Variants in DCAF6 observed in about 807,000 individuals in gnomAD.
DCAF6 encodes DDB1- and CUL4-associated factor 6.
Under a neutral mutation model 125.1 loss-of-function variants are expected in DCAF6, and 54 were observed. That is an observed-to-expected ratio of 0.43 (90% CI 0.35 to 0.54). DCAF6 has a LOEUF of 0.54. DCAF6 is among the 20% of genes least tolerant of loss of function. The probability of loss-of-function intolerance (pLI) is 0.01; values close to 1 mark genes in which losing one functional copy is unlikely to be tolerated. For synonymous variants in DCAF6, 371 were observed against 390.4 expected (o/e 0.95, Z 0.58); for missense variants, 934 against 1,161.7 (o/e 0.80, Z 2.85).
intron 11 of DCAF6, among the ~76,000 whole-genome samples, chr1:168,021,520 C>A (rs1303213832): frequency 6.6e-6 from 1 of 152,106 alleles, no homozygotes; most frequent in Non-Finnish European, 1.5e-5. Context: ...GAAAGTAAAG[C>A]ACGAATAGAT....
the DCAF6 span, chr1:167,880,071 T>G: frequency 6.5e-7 from 1 of 1,541,362 alleles, no homozygotes; most frequent in South Asian, 1.2e-5. Context: ...GGCAAGGTGC[T>G]GTGTTTGCAG....
At chr1:167,956,618 T>A (rs935251332) in intron 2 of DCAF6, among the ~76,000 whole-genome samples, 4 of 152,154 alleles carry the variant, frequency 2.6e-5, no homozygotes, top group Non-Finnish European at 5.9e-5. Context: ...TCATTTGCTC[T>A]TTGTTTTGTA....
At chr1:168,056,141 C>G in intron 17 of DCAF6, 1 of 1,597,496 alleles carries the variant, frequency 6.3e-7, no homozygotes, top group Non-Finnish European at 8.6e-7. Context: ...CTTGTTTGTT[C>G]AATTTTGTCC....
the DCAF6 span, chr1:167,901,602 C>G: frequency 6.5e-7 from 1 of 1,527,690 alleles, no homozygotes; most frequent in Non-Finnish European, 9.1e-7. Flanking sequence ...GAGAGAGATG[C>G]CCCAGGAGTC....
At chr1:167,901,450 C>G in the DCAF6 span, among the ~76,000 whole-genome samples, 1 of 152,098 alleles carries the variant, frequency 6.6e-6, no homozygotes, top group African/African-American at 2.4e-5. Flanking sequence ...TTTGTAATAG[C>G]TTATTAGGTA....
chr1:167,952,004 A>T (rs375415461), intron 2 of DCAF6, 143 bp downstream of exon 2: 6 of 535,748 alleles, frequency 1.1e-5, no homozygotes, highest in East Asian at 6.4e-5. Context: ...ATAAAATTAT[A>T]TTTTGAATCT....
chr1:168,003,405 G>A (rs1313461011), intron 8 of DCAF6, among the ~76,000 whole-genome samples: 1 of 152,170 alleles, frequency 6.6e-6, no homozygotes, highest in Non-Finnish European at 1.5e-5. Context: ...TACAGTAAAT[G>A]ATGTTGAAAA....
the DCAF6 span, among the ~76,000 whole-genome samples, chr1:167,878,144 T>A: frequency 9.2e-3 from 1,395 of 152,290 alleles, 11 homozygotes; most frequent in Non-Finnish European, 0.015. Context: ...GGTTGGTGAT[T>A]GGGCCCATTT....
intron 1 of DCAF6, among the ~76,000 whole-genome samples, chr1:167,944,592 G>C (rs1387647497): frequency 6.6e-6 from 1 of 151,922 alleles, no homozygotes; most frequent in Admixed American, 6.6e-5. Context: ...ATACCTGTTG[G>C]GTGTATGCTT....
At chr1:168,028,705 A>G (rs2103287035) in intron 12 of DCAF6, among the ~76,000 whole-genome samples, 2 of 152,328 alleles carry the variant, frequency 1.3e-5, no homozygotes, top group South Asian at 4.1e-4. Context: ...AGATTGGGAA[A>G]TGGAAAAGTT....
At chr1:168,067,485 A>G (rs906751823) in intron 20 of DCAF6, among the ~76,000 whole-genome samples, 3 of 152,176 alleles carry the variant, frequency 2.0e-5, no homozygotes, top group Non-Finnish European at 2.9e-5. Flanking sequence ...CAGAAGTCTG[A>G]GAATAGTTCA....
chr1:167,922,005 G>A, the DCAF6 span, among the ~76,000 whole-genome samples: 23 of 152,246 alleles, frequency 1.5e-4, no homozygotes, highest in African/African-American at 5.5e-4. Flanking sequence ...TATGTTTGAA[G>A]GCATATGGTC....
At chr1:167,920,936 T>C in the DCAF6 span, among the ~76,000 whole-genome samples, 80 of 152,314 alleles carry the variant, frequency 5.3e-4, no homozygotes, top group Middle Eastern at 0.02. Flanking sequence ...TGGGTTTTTT[T>C]TGGTCTACCT....
At chr1:168,061,335 G>A (rs896828635) in intron 17 of DCAF6, among the ~76,000 whole-genome samples, 1 of 152,086 alleles carries the variant, frequency 6.6e-6, no homozygotes, top group Non-Finnish European at 1.5e-5. Context: ...TTATGAAAAA[G>A]TAAACATCTT....
chr1:167,873,343 C>T, the DCAF6 span, among the ~76,000 whole-genome samples: 1 of 152,132 alleles, frequency 6.6e-6, no homozygotes, highest in East Asian at 1.9e-4. Flanking sequence ...TTTCTGCTGG[C>T]CCAAGTGTTT....
the DCAF6 span, among the ~76,000 whole-genome samples, chr1:167,866,427 A>G: frequency 2.7e-5 from 4 of 150,324 alleles, no homozygotes; most frequent in African/African-American, 9.8e-5. Flanking sequence ...AATTATATCT[A>G]TTACAAACAA....
chr1:168,002,567 A>T lies in DCAF6; in HGVS notation c.989A>T (p.Glu330Val). 6.2e-7 allele frequency: 1 copy of T among 1,612,514 alleles called. No homozygotes were observed. Among genetic ancestry groups the T allele is most frequent in the Non-Finnish European group, 8.5e-7 (1 of 1,178,840 alleles). The change falls in exon 8 of 22, where the codon GAA becomes GTA. Residue 330 changes from glutamate to valine, a missense_variant. Transcript: ENST00000367840. Reference sequence around the variant, plus strand: ...AGAGCAAGGCCGGAGAGTGAACGAGAACGAGATGGTAACTATACTTTGGTC... The same window carrying T: ...AGAGCAAGGCCGGAGAGTGAACGAGTACGAGATGGTAACTATACTTTGGTC... ...GPRARPESERERDGEQSPNVS... is the reference protein window; with the variant it reads ...GPRARPESERVRDGEQSPNVS...
the DCAF6 span, chr1:167,879,998 A>G: frequency 3.4e-6 from 3 of 872,126 alleles, no homozygotes; most frequent in Non-Finnish European, 5.7e-6. Flanking sequence ...GGAAGACTCT[A>G]AAGTTTCTGA....
chr1:167,903,785 A>C, the DCAF6 span: 1 of 811,516 alleles, frequency 1.2e-6, no homozygotes, highest in East Asian at 2.5e-5. Context: ...GGGGAAGAGG[A>C]GGAGTGCTAA....
Sources: gnomAD v4.1 joint callset for allele counts (sites outside exome capture counted in the v4.1 genomes callset) on GRCh38, gnomAD v4.1.1 for gene constraint, MANE v1.5 for transcripts, NCBI Gene and HGNC (gene_info 2026-07-23, HGNC 2026-07-21) for gene names.